Variants in LDAH observed in about 807,000 individuals in gnomAD.
The protein encoded by LDAH is lipid droplet-associated hydrolase.
In LDAH, 26 loss-of-function variants were observed where a neutral mutation model predicts 29.6. That is an observed-to-expected ratio of 0.88 (90% CI 0.64 to 1.22). LDAH has a LOEUF of 1.22. Ranked by LOEUF, LDAH falls within the 50% of genes most tolerant of loss-of-function variation. LDAH has a pLI of 0.00. For missense variants in LDAH, 344 were observed against 387.3 expected (o/e 0.89, Z 0.94); for synonymous variants, 117 against 133.0 (o/e 0.88, Z 0.83).
intron 4 of LDAH, among the ~76,000 whole-genome samples, chr2:20,765,980 T>C (rs1227195790): frequency 6.6e-6 from 1 of 152,224 alleles, no homozygotes; most frequent in Non-Finnish European, 1.5e-5. Context: ...TGTGGCCATC[T>C]GTAATCCTCC....
In LDAH at chr2:20,716,372, C is replaced by A. The variant is rs201259340; in HGVS notation, c.704-14720G>T. On this transcript the variant is annotated intron_variant, in intron 5 of 6. Coordinates refer to ENST00000237822, the MANE Select transcript of LDAH (RefSeq NM_021925.4). Reference sequence around the variant, plus strand: ...ACTAGATTAAGAAAATGTGGCACATCTACACCATGGAATACTATGCAGCCA... The same window carrying A: ...ACTAGATTAAGAAAATGTGGCACATATACACCATGGAATACTATGCAGCCA... 5.2e-3 allele frequency among the ~76,000 whole-genome samples: 788 copies of A among 152,078 alleles called. 10 individuals are homozygous for A. Among genetic ancestry groups the A allele is most frequent in the African/African-American group, 0.017 (693 of 41,510 alleles).
chr2:20,722,377 CAAAA>C (rs141440507), intron 5 of LDAH, among the ~76,000 whole-genome samples: 2 of 70,832 alleles, frequency 2.8e-5, no homozygotes, highest in East Asian at 4.4e-4. Context: ...GAAACTGTCT[CAAAA>C]AAAAAAAAAA....
chr2:20,755,129 T>TGTGTG lies in LDAH; in HGVS notation c.469-14925_469-14924insCACAC, dbSNP rs1668247841. Among the ~76,000 whole-genome samples the TGTGTG allele has an allele frequency of 9.3e-4, 110 of 118,298 alleles. 2 individuals are homozygous for TGTGTG. The South Asian group carries it at 0.011, about 11-fold the overall frequency. The allele number at this position is 118,298 out of a possible 152,430, so 77.6% of individuals were successfully genotyped here. On this transcript the variant is annotated intron_variant, in intron 4 of 6. Coordinates refer to ENST00000237822, the MANE Select transcript of LDAH (RefSeq NM_021925.4). ...AAGAAGAAATATTGTGTGTCTGTGT[T>TGTGTG]TGTGTGTGTGTGTGTGTGTGTGTGT...
At position 20,710,887 on chromosome 2, in the gene LDAH, C is replaced by T. The variant is rs1223770443; in HGVS notation, c.704-9235G>A. ...TTGACCCTGTGAATATGACATATTA[C>T]TCCTATGATAGGTCATGTTATCTGG... On this transcript the variant is annotated intron_variant, in intron 5 of 6. Coordinates refer to ENST00000237822, the MANE Select transcript of LDAH (RefSeq NM_021925.4). Among the ~76,000 whole-genome samples the T allele has an allele frequency of 7.9e-5, 12 of 151,848 alleles. 1 individual carries two copies.
At chr2:20,740,948 G>A in intron 4 of LDAH, among the ~76,000 whole-genome samples, 1 of 152,102 alleles carries the variant, frequency 6.6e-6, no homozygotes, top group Admixed American at 6.5e-5. Context: ...TATTGTCAGT[G>A]TTCTGAATTT....
At position 20,710,611 on chromosome 2, in the gene LDAH, TATATATATAG is replaced by T. The variant is rs1438680369; in HGVS notation, c.704-8969_704-8960del. On this transcript the variant is annotated intron_variant, in intron 5 of 6. Transcript: ENST00000237822. ...GTGTGTGTGTGTGTGTGTGTGTATA[TATATATATAG>T]ATATATATATATAGATATATAGTAT... Among the ~76,000 whole-genome samples the T allele has an allele frequency of 6.0e-4, 80 of 133,838 alleles. 1 individual carries two copies. The highest frequency in any genetic ancestry group is 2.0e-3 in the African/African-American group (76 of 38,490). 87.8% of individuals were successfully genotyped at this position (133,838 alleles called of 152,430 possible). A position where few individuals can be genotyped will look rare whatever the true frequency, so the allele number is the denominator to read the frequency against.
chr2:20,790,428 A>G (rs752668006), intron 2 of LDAH, 30 bp from the exon 3 acceptor site: 13 of 1,598,068 alleles, frequency 8.1e-6, no homozygotes, highest in Admixed American at 3.5e-5. Flanking sequence ...CCTTAGATTA[A>G]TCAAAGTAAT....
At chr2:20,819,246 T>C (rs1406459902) in intron 1 of LDAH, among the ~76,000 whole-genome samples, 2 of 152,164 alleles carry the variant, frequency 1.3e-5, no homozygotes, top group Admixed American at 6.5e-5. Flanking sequence ...AGAGTAGCTT[T>C]CAGCTTCTGG....
intron 6 of LDAH, among the ~76,000 whole-genome samples, chr2:20,695,324 G>A (rs1663359019): frequency 6.6e-6 from 1 of 152,182 alleles, no homozygotes; most frequent in Admixed American, 6.5e-5. Flanking sequence ...TCTGAAAAGG[G>A]GATGTGAGAA....
chr2:20,683,137 C>G (rs1572385574), downstream of LDAH, among the ~76,000 whole-genome samples: 2 of 152,190 alleles, frequency 1.3e-5, no homozygotes, highest in South Asian at 2.1e-4. Flanking sequence ...CACCCAGCAT[C>G]ACACTCAGTG....
chr2:20,757,350 G>A (rs1668406807), intron 4 of LDAH, among the ~76,000 whole-genome samples: 2 of 152,130 alleles, frequency 1.3e-5, no homozygotes, highest in African/African-American at 2.4e-5. Flanking sequence ...TAGAAGTAAC[G>A]ATGAACTGGA....
intron 5 of LDAH, among the ~76,000 whole-genome samples, chr2:20,729,048 A>T (rs759232403): frequency 6.6e-6 from 1 of 152,238 alleles, no homozygotes; most frequent in African/African-American, 2.4e-5. Flanking sequence ...TGAGAAAGGA[A>T]GCCCAGGGTT....
intron 2 of LDAH, among the ~76,000 whole-genome samples, chr2:20,794,663 C>T (rs1671198349): frequency 6.6e-6 from 1 of 152,046 alleles, no homozygotes; most frequent in Non-Finnish European, 1.5e-5. Flanking sequence ...TCAACAGATG[C>T]AGAAAAAAAT....
chr2:20,789,172 A>T, intron 3 of LDAH: 1 of 1,550,596 alleles, frequency 6.4e-7, no homozygotes, highest in Non-Finnish European at 8.7e-7. Flanking sequence ...GAATGCTTAT[A>T]TGGCCCCCAA....
intron 3 of LDAH, among the ~76,000 whole-genome samples, chr2:20,784,544 T>C (rs1223330286): frequency 6.6e-6 from 1 of 152,184 alleles, no homozygotes; most frequent in Non-Finnish European, 1.5e-5. Flanking sequence ...GCATTTTAAA[T>C]GATCTAACAT....
rs573886275 is a variant in LDAH at position 20,776,532 on chromosome 2, A to G, written c.299-1553T>C. On this transcript the variant is annotated intron_variant, in intron 3 of 6. Transcript: ENST00000237822. ...CTTACTTCCCTATTTCCATAGTACT[A>G]TTAATCTCCCAGGTTAAACATGTTA... Among the ~76,000 whole-genome samples, 293 of 152,250 alleles carry G rather than the reference A, an allele frequency of 1.9e-3. 1 individual carries two copies. The highest frequency in any genetic ancestry group is 6.7e-3 in the African/African-American group (279 of 41,566).
chr2:20,816,226 G>A (rs553184878), intron 1 of LDAH, among the ~76,000 whole-genome samples: 36 of 152,078 alleles, frequency 2.4e-4, no homozygotes, highest in African/African-American at 8.4e-4. Context: ...ATGAAAAACA[G>A]GAAATAAACA....
intron 1 of LDAH, among the ~76,000 whole-genome samples, chr2:20,815,284 G>A (rs1401898441): frequency 6.6e-6 from 1 of 151,860 alleles, no homozygotes; most frequent in Non-Finnish European, 1.5e-5. Context: ...AAGGCATCAG[G>A]GACTTGTAGG....
rs570482066 is a variant in LDAH, at chr2:20,787,983, G to T, written c.298+2272C>A. Among the ~76,000 whole-genome samples, 5 of 152,274 alleles carry T rather than the reference G, an allele frequency of 3.3e-5. No homozygotes were observed. The East Asian group carries it at 7.7e-4, about 23-fold the overall frequency. On this transcript the variant is annotated intron_variant, in intron 3 of 6. Transcript: ENST00000237822. ...TCTTAGTGCCAAGGTGCTAACGTTT[G>T]TTAGGCTTTAGGCTGAAAATGTTTA...
Sources: allele counts gnomAD v4.1 joint callset (sites outside exome capture counted in the v4.1 genomes callset), GRCh38; gene constraint gnomAD v4.1.1; transcripts MANE v1.5; gene names NCBI Gene and HGNC (gene_info 2026-07-23, HGNC 2026-07-21).